Variants in SHLD1 observed in about 807,000 individuals in gnomAD.
The protein encoded by SHLD1 is RINN1-REV7-interacting novel NHEJ regulator 3.
SHLD1 carries 3 observed loss-of-function variants against 5.5 expected under a neutral mutation model. The observed-to-expected ratio is 0.54, with a 90% CI of 0.25 to 1.40. SHLD1 has a LOEUF of 1.40. Ranked by LOEUF, SHLD1 falls within the 40% of genes most tolerant of loss-of-function variation. The probability of loss-of-function intolerance (pLI) is 0.15; values close to 1 mark genes in which losing one functional copy is unlikely to be tolerated. For synonymous variants in SHLD1, 92 were observed against 94.3 expected, an observed-to-expected ratio of 0.98 and a Z score of 0.14; for missense variants, 210 against 244.4, an observed-to-expected ratio of 0.86 and a Z score of 0.94.
chr20:5,838,397 G>A (rs2087814724), intron 2 of SHLD1, among the ~76,000 whole-genome samples: 1 of 152,170 alleles, frequency 6.6e-6, no homozygotes, highest in East Asian at 1.9e-4. Context: ...AAGACTTTTA[G>A]TCTCATCTGA....
chr20:5,794,451 A>G (rs946505885), intron 2 of SHLD1, among the ~76,000 whole-genome samples: 1 of 152,254 alleles, frequency 6.6e-6, no homozygotes. Context: ...GGCCCCTTAC[A>G]GAGAAGTTAT....
At chr20:5,801,811 G>A (rs1361970151) in intron 2 of SHLD1, among the ~76,000 whole-genome samples, 1 of 152,088 alleles carries the variant, frequency 6.6e-6, no homozygotes, top group South Asian at 2.1e-4. Flanking sequence ...TCCCATAGAT[G>A]GGAAAATTAG....
rs776358532 is a variant in SHLD1, at chr20:5,778,114, C to CTTTTTT, written c.178+5086_178+5091dup. The stretch of plus-strand genomic sequence containing the variant: ...GGCTGAGGCAGGAGGATCCCTTTTT[C>CTTTTTT]TTTTTTTTTTTTTTTTTTTTGAGAC... On this transcript the variant is annotated intron_variant, in intron 2 of 2. Coordinates refer to ENST00000303142, the MANE Select transcript of SHLD1 (RefSeq NM_152504.4). Among the ~76,000 whole-genome samples the CTTTTTT allele has an allele frequency of 2.0e-4, 22 of 111,920 alleles. 1 individual carries two copies. The highest frequency in any genetic ancestry group is 6.1e-4 in the South Asian group (2 of 3,278). 73.4% of individuals were successfully genotyped at this position (111,920 alleles called of 152,430 possible).
Position 5,861,450 on chromosome 20 carries a change from A to G in SHLD1, c.179-1574A>G, listed in dbSNP as rs116820930. On this transcript the variant is annotated intron_variant, in intron 2 of 2. Coordinates refer to ENST00000303142, the MANE Select transcript of SHLD1 (RefSeq NM_152504.4). Reference sequence around the variant, plus strand: ...CATCTGTCTATCTTCAACAACTTGTAATGAGTTGCCTTAATATCAGCTTTC... The same window carrying G: ...CATCTGTCTATCTTCAACAACTTGTGATGAGTTGCCTTAATATCAGCTTTC... Among the ~76,000 whole-genome samples, 989 of 152,350 alleles carry G rather than the reference A, an allele frequency of 6.5e-3. 10 individuals carry two copies. Among genetic ancestry groups the G allele is most frequent in the African/African-American group, 0.022 (901 of 41,570 alleles).
intron 2 of SHLD1, among the ~76,000 whole-genome samples, chr20:5,793,461 G>A (rs570783352): frequency 4.6e-4 from 70 of 152,202 alleles, no homozygotes; most frequent in African/African-American, 1.4e-3. Flanking sequence ...TTTTTTTGAT[G>A]TATAGAGATT....
At chr20:5,775,403 T>G (rs1315058433) in intron 2 of SHLD1, among the ~76,000 whole-genome samples, 1 of 152,190 alleles carries the variant, frequency 6.6e-6, no homozygotes, top group Non-Finnish European at 1.5e-5. Context: ...CTCTATTCCC[T>G]TAGGGAATTC....
chr20:5,812,226 T>C (rs2087469340), intron 2 of SHLD1, among the ~76,000 whole-genome samples: 2 of 152,224 alleles, frequency 1.3e-5, no homozygotes, highest in South Asian at 4.1e-4. Context: ...AAGAAGGACC[T>C]AATCCCAAAA....
In SHLD1 at chr20:5,863,474, G is replaced by A; in HGVS notation, c.*11G>A. On this transcript the variant is annotated 3_prime_UTR_variant, in exon 3 of 3. Coordinates refer to ENST00000303142, the MANE Select transcript of SHLD1 (RefSeq NM_152504.4). ...ATGAAAGACCTGTAACTGGTGCCGG[G>A]CAGTGTGCAGGGTAGTAATGGAGGT... 2 of 1,583,168 alleles carry A rather than the reference G, an allele frequency of 1.3e-6. No individual in the cohort carries two copies. The highest frequency in any genetic ancestry group is 8.6e-7 in the Non-Finnish European group (1 of 1,165,602).
intron 2 of SHLD1, among the ~76,000 whole-genome samples, chr20:5,852,407 C>T (rs1388956071): frequency 6.6e-6 from 1 of 151,008 alleles, no homozygotes; most frequent in African/African-American, 2.5e-5. Flanking sequence ...TCCTTCCTTC[C>T]TTTCCCTCCC....
At chr20:5,765,769 CTT>C (rs756234026) in intron 1 of SHLD1, among the ~76,000 whole-genome samples, 1 of 62,072 alleles carries the variant, frequency 1.6e-5, no homozygotes, top group African/African-American at 6.5e-5. Context: ...CGCACAAATC[CTT>C]TTTTTTTTTT....
intron 1 of SHLD1, among the ~76,000 whole-genome samples, chr20:5,758,316 G>A (rs1443187011): frequency 7.8e-6 from 1 of 127,608 alleles, no homozygotes; most frequent in Non-Finnish European, 1.6e-5. Context: ...GAAAGGGAAG[G>A]GAAGGGAGGG....
rs905240987 is a variant in SHLD1, at chr20:5,863,791, G to A, written c.*328G>A. On this transcript the variant is annotated 3_prime_UTR_variant, in exon 3 of 3. Transcript: ENST00000303142. ...TCTAGCACTCCCTTTCCTCTAGATC[G>A]GCCTGAGGCTGGGACATTACATGAA... 15 of 237,576 alleles carry A rather than the reference G, an allele frequency of 6.3e-5. No homozygotes were observed. The highest frequency in any genetic ancestry group is 2.5e-4 in the African/African-American group (11 of 44,190). 14.7% of individuals were successfully genotyped at this position (237,576 alleles called of 1,614,324 possible).
At chr20:5,791,563 C>CAAAAAAAAAAAAAA (rs34606715) in intron 2 of SHLD1, among the ~76,000 whole-genome samples, 2 of 61,018 alleles carry the variant, frequency 3.3e-5, no homozygotes, top group Admixed American at 2.1e-4. Flanking sequence ...GACCCTGTCT[C>CAAAAAAAAAAAAAA]AAAAAAAAAA....
intron 2 of SHLD1, 76 bp downstream of exon 2, chr20:5,773,119 T>C: frequency 2.0e-6 from 3 of 1,467,774 alleles, no homozygotes; most frequent in Non-Finnish European, 2.9e-6. Context: ...TTTGTTTCTC[T>C]CTCTTCCAAT....
chr20:5,844,698 G>A (rs912791942), intron 2 of SHLD1, among the ~76,000 whole-genome samples: 4 of 150,266 alleles, frequency 2.7e-5, no homozygotes, highest in Admixed American at 6.7e-5. Context: ...GTTCCTTCCA[G>A]TTACAGTTAC....
At chr20:5,817,432 C>CTGTGTGTGTGTGTG (rs1190340129) in intron 2 of SHLD1, among the ~76,000 whole-genome samples, 40 of 85,664 alleles carry the variant, frequency 4.7e-4, no homozygotes, top group African/African-American at 2.1e-3. Flanking sequence ...CTCTCTCTCT[C>CTGTGTGTGTGTGTG]TGTGTGTGTG....
At chr20:5,811,843 G>A (rs1010091958) in intron 2 of SHLD1, among the ~76,000 whole-genome samples, 5 of 147,306 alleles carry the variant, frequency 3.4e-5, no homozygotes, top group African/African-American at 1.2e-4. Context: ...GCAACAATGT[G>A]AAACTGTGTC....
At chr20:5,790,700 C>T (rs1229074585) in intron 2 of SHLD1, among the ~76,000 whole-genome samples, 17 of 152,010 alleles carry the variant, frequency 1.1e-4, no homozygotes, top group African/African-American at 4.1e-4. Context: ...GTGATCCACC[C>T]ACCTTGGCCT....
At chr20:5,801,328 C>G (rs6038291) in intron 2 of SHLD1, among the ~76,000 whole-genome samples, 136,976 of 151,962 alleles carry the variant, frequency 0.9, 61,814 homozygotes, top group East Asian at 1. Context: ...CACCCACTTC[C>G]GCCTCCCAAA....
Sources: gnomAD v4.1 joint callset for allele counts (sites outside exome capture counted in the v4.1 genomes callset) on GRCh38, gnomAD v4.1.1 for gene constraint, MANE v1.5 for transcripts, NCBI Gene and HGNC (gene_info 2026-07-23, HGNC 2026-07-21) for gene names.